Variants in RBFOX1 observed in about 807,000 individuals in gnomAD.
RBFOX1 encodes the protein RNA binding fox-1 homolog 1.
RBFOX1 carries 8 observed loss-of-function variants against 57.7 expected under a neutral mutation model. That is an observed-to-expected ratio of 0.14 (90% confidence interval 0.08 to 0.25). The LOEUF is 0.25. Ranked by LOEUF, RBFOX1 falls within the 10% of genes least tolerant of loss-of-function variation. RBFOX1 has a pLI of 1.00. For synonymous variants in RBFOX1, 326 were observed against 222.4 expected (o/e 1.47, Z -4.15); for missense variants, 611 against 548.5 (o/e 1.11, Z -1.14).
At chr16:6,167,872 A>C (rs1387813339) in intron 1 of RBFOX1, among the ~76,000 whole-genome samples, 1 of 152,174 alleles carries the variant, frequency 6.6e-6, no homozygotes, top group Non-Finnish European at 1.5e-5. Context: ...GATGGGGTCA[A>C]GGAGGAGAAG....
chr16:6,995,156 G>C (rs1472090195), intron 3 of RBFOX1, among the ~76,000 whole-genome samples: 1 of 152,078 alleles, frequency 6.6e-6, no homozygotes, highest in Non-Finnish European at 1.5e-5. Context: ...CAATTCTCTT[G>C]TTATGGACAT....
intron 1 of RBFOX1, among the ~76,000 whole-genome samples, chr16:5,412,194 C>G (rs764693626): frequency 5.1e-4 from 78 of 152,014 alleles, no homozygotes; most frequent in Non-Finnish European, 1.0e-3. Flanking sequence ...CCTGGCCAGG[C>G]TCCTGACTTG....
chr16:6,658,727 A>G (rs1305894089), intron 3 of RBFOX1, among the ~76,000 whole-genome samples: 1 of 152,026 alleles, frequency 6.6e-6, no homozygotes, highest in Admixed American at 6.6e-5. Context: ...CATAATGTGT[A>G]TTGGAGTGTG....
chr16:7,306,950 C>G (rs961827258), intron 4 of RBFOX1, among the ~76,000 whole-genome samples: 2 of 152,114 alleles, frequency 1.3e-5, no homozygotes, highest in African/African-American at 4.8e-5. Flanking sequence ...GGATCTCTAG[C>G]TAATTTTGGT....
chr16:6,028,245 G>A (rs1207077607), intron 1 of RBFOX1, among the ~76,000 whole-genome samples: 1 of 152,132 alleles, frequency 6.6e-6, no homozygotes, highest in African/African-American at 2.4e-5. Flanking sequence ...TGATTGCAAA[G>A]GCTGATAAGA....
rs1555465509 is a variant in RBFOX1, at chr16:5,560,433, CG to C, written c.259-38468del. ...CCCCAAGTTTGAGATGGCTTCTCCC[CG>C]CACTCCGGTGTTATTACACTGCACT... On this transcript the variant is annotated intron_variant, in intron 2 of 2. Coordinates refer to the RBFOX1 transcript ENST00000585867. 3.9e-5 allele frequency among the ~76,000 whole-genome samples: 6 copies of C among 152,196 alleles called. No homozygotes were observed. In the South Asian group the frequency reaches 1.0e-3, roughly 26 times the overall value.
At chr16:5,654,624 C>T (rs1050733128) in intron 3 of RBFOX1, among the ~76,000 whole-genome samples, 2 of 152,142 alleles carry the variant, frequency 1.3e-5, no homozygotes, top group Admixed American at 6.5e-5. Context: ...ACTGAGCCTC[C>T]CAAAGCCTCA....
intron 3 of RBFOX1, among the ~76,000 whole-genome samples, chr16:6,797,516 C>T (rs1603625835): frequency 2.0e-5 from 3 of 152,144 alleles, no homozygotes; most frequent in African/African-American, 4.8e-5. Context: ...TTTCAGGTTC[C>T]TGTGACATCA....
At chr16:7,118,169 T>A (rs1332591931) in intron 4 of RBFOX1, among the ~76,000 whole-genome samples, 2 of 152,278 alleles carry the variant, frequency 1.3e-5, no homozygotes, top group African/African-American at 4.8e-5. Context: ...TTGCATACTG[T>A]TTGCCATAGA....
At chr16:5,418,778 C>G (rs1461309326) in intron 1 of RBFOX1, among the ~76,000 whole-genome samples, 4 of 152,206 alleles carry the variant, frequency 2.6e-5, no homozygotes, top group African/African-American at 9.6e-5. Context: ...TCCTTCTGCA[C>G]GATTTATGGA....
At chr16:7,086,956 G>A (rs2151023001) in intron 4 of RBFOX1, among the ~76,000 whole-genome samples, 1 of 152,188 alleles carries the variant, frequency 6.6e-6, no homozygotes, top group East Asian at 1.9e-4. Context: ...CCACACCCTG[G>A]CTGAGAGCCC....
At chr16:5,596,856 T>C (rs2047199523) in intron 2 of RBFOX1, among the ~76,000 whole-genome samples, 1 of 151,304 alleles carries the variant, frequency 6.6e-6, no homozygotes. Context: ...AGACAGTCGC[T>C]GGAAGCAGGG....
chr16:5,354,385 A>T (rs1435379961), intron 1 of RBFOX1, among the ~76,000 whole-genome samples: 2 of 152,072 alleles, frequency 1.3e-5, no homozygotes, highest in African/African-American at 4.8e-5. Context: ...TTGAATTACA[A>T]CCCAGACTGT....
At chr16:7,279,961 C>G (rs528669605) in intron 4 of RBFOX1, among the ~76,000 whole-genome samples, 1 of 152,146 alleles carries the variant, frequency 6.6e-6, no homozygotes, top group Non-Finnish European at 1.5e-5. Flanking sequence ...ATAGGGCAGC[C>G]AAGTTGGCCA....
At chr16:6,889,032 C>T (rs1228646578) in intron 3 of RBFOX1, among the ~76,000 whole-genome samples, 1 of 152,136 alleles carries the variant, frequency 6.6e-6, no homozygotes, top group African/African-American at 2.4e-5. Context: ...CAGGGAATTG[C>T]ATGTGTTCTC....
At chr16:6,437,481 A>G (rs77157952) in intron 2 of RBFOX1, among the ~76,000 whole-genome samples, 3 of 152,060 alleles carry the variant, frequency 2.0e-5, no homozygotes, top group Non-Finnish European at 4.4e-5. Flanking sequence ...GTATTTCACA[A>G]CCCACTGACA....
At chr16:7,572,049 C>T (rs1238649823) in intron 5 of RBFOX1, among the ~76,000 whole-genome samples, 1 of 152,158 alleles carries the variant, frequency 6.6e-6, no homozygotes, top group Non-Finnish European at 1.5e-5. Flanking sequence ...ATCGCTTGAA[C>T]CTGGCAGACG....
At chr16:6,358,863 G>T (rs372189877) in intron 2 of RBFOX1, among the ~76,000 whole-genome samples, 5 of 152,186 alleles carry the variant, frequency 3.3e-5, no homozygotes, top group African/African-American at 1.2e-4. Context: ...GGGAGAAAGT[G>T]CTGTTTGACG....
At chr16:7,032,108 G>C (rs2042950380) in intron 3 of RBFOX1, among the ~76,000 whole-genome samples, 1 of 152,072 alleles carries the variant, frequency 6.6e-6, no homozygotes, top group South Asian at 2.1e-4. Context: ...TTGAGAATCA[G>C]AGAATTTCAT....
Sources: allele counts gnomAD v4.1 joint callset (sites outside exome capture counted in the v4.1 genomes callset), GRCh38; gene constraint gnomAD v4.1.1; transcripts MANE v1.5; gene names NCBI Gene and HGNC (gene_info 2026-07-23, HGNC 2026-07-21).